PHIP: variants seen among roughly 807,000 people sequenced by gnomAD.
PHIP encodes PH-interacting protein.
A neutral mutation model predicts 236.8 loss-of-function variants in PHIP; 54 were observed. The observed-to-expected ratio is 0.23, with a 90% CI of 0.18 to 0.29. The LOEUF (loss-of-function observed/expected upper bound fraction) is 0.29. PHIP is among the 10% of genes least tolerant of loss of function. The pLI, the probability that PHIP is intolerant of heterozygous loss-of-function variation, is 1.00. For missense variants in PHIP, 1,370 were observed against 2,190.8 expected, an observed-to-expected ratio of 0.63 and a Z score of 7.48; for synonymous variants, 756 against 718.9, an observed-to-expected ratio of 1.05 and a Z score of -0.83.
At chr6:78,994,989 T>C (rs1463522582) in intron 19 of PHIP, among the ~76,000 whole-genome samples, 2 of 152,228 alleles carry the variant, frequency 1.3e-5, no homozygotes, top group Non-Finnish European at 2.9e-5. Flanking sequence ...AACAAAATCA[T>C]GTGAGCTGCT....
At chr6:79,050,153 TTAA>T (rs1772714698) in intron 6 of PHIP, among the ~76,000 whole-genome samples, 1 of 151,984 alleles carries the variant, frequency 6.6e-6, no homozygotes, top group African/African-American at 2.4e-5. Context: ...TCTGCTGCAA[TTAA>T]TAATGTGGGT....
chr6:78,961,913 T>C (rs886827130), intron 30 of PHIP, 103 bp from the exon 31 acceptor site: 2 of 815,478 alleles, frequency 2.5e-6, no homozygotes, highest in Non-Finnish European at 3.8e-6. Context: ...ATCTACATAA[T>C]CATTAGTCTG....
At chr6:78,998,190 CTG>C (rs1186290466) in intron 18 of PHIP, 62 bp downstream of exon 18, 4 of 1,312,434 alleles carry the variant, frequency 3.0e-6, no homozygotes, top group East Asian at 2.3e-5. Context: ...CCACTTAACA[CTG>C]TGGGAGATTT....
chr6:78,945,895 A>G, intron 38 of PHIP, 106 bp downstream of exon 38: 2 of 778,676 alleles, frequency 2.6e-6, no homozygotes, highest in Non-Finnish European at 2.1e-6. Flanking sequence ...CAAAAACAAC[A>G]GTGTCTGCTA....
chr6:79,005,733 A>G (rs920453928), intron 15 of PHIP, among the ~76,000 whole-genome samples: 18 of 152,202 alleles, frequency 1.2e-4, no homozygotes, highest in Middle Eastern at 3.4e-3. Context: ...AGTCCAATTT[A>G]GCAATTTCAA....
chr6:78,979,609 C>A (rs921226681), intron 23 of PHIP, among the ~76,000 whole-genome samples: 5 of 151,938 alleles, frequency 3.3e-5, no homozygotes, highest in African/African-American at 9.7e-5. Context: ...CAAGTGGCCA[C>A]AATGGTCTTG....
At chr6:78,997,330 GC>G (rs1024782664) in intron 19 of PHIP, 83 bp downstream of exon 19, 4 of 1,186,620 alleles carry the variant, frequency 3.4e-6, no homozygotes, top group Non-Finnish European at 4.9e-6. Flanking sequence ...GAATTACAGA[GC>G]TGAAAATAAC....
At chr6:79,038,495 C>T (rs1416078382) in intron 7 of PHIP, among the ~76,000 whole-genome samples, 2 of 152,176 alleles carry the variant, frequency 1.3e-5, no homozygotes, top group African/African-American at 4.8e-5. Context: ...CCATAGCAGT[C>T]ATCAATTACC....
At chr6:79,009,366 T>C (rs576441918) in intron 15 of PHIP, among the ~76,000 whole-genome samples, 48 of 152,198 alleles carry the variant, frequency 3.2e-4, no homozygotes, top group African/African-American at 1.1e-3. Flanking sequence ...ACTGACTCGA[T>C]TCCTATTTAT....
Position 79,015,616 on chromosome 6 carries a change from GA to G in PHIP, c.1389+13del. ...CTTCAGTTATATCAAATAAAGATTA[GA>G]ATTTTTTCTCACCATCAGGACATGA... On this transcript the variant is annotated intron_variant, in intron 14 of 39. Transcript: ENST00000275034. 1 of 1,565,306 alleles carries G rather than the reference GA, an allele frequency of 6.4e-7. No individual in the cohort carries two copies. Among genetic ancestry groups the G allele is most frequent in the Non-Finnish European group, 8.7e-7 (1 of 1,147,982 alleles).
intron 27 of PHIP, among the ~76,000 whole-genome samples, chr6:78,966,297 G>A (rs1463140012): frequency 2.6e-5 from 4 of 152,128 alleles, no homozygotes; most frequent in Non-Finnish European, 5.9e-5. Flanking sequence ...TTTCATTAAG[G>A]TATACAGAAA....
chr6:79,030,555 A>T (rs1285651246), intron 7 of PHIP, among the ~76,000 whole-genome samples: 2 of 152,200 alleles, frequency 1.3e-5, no homozygotes, highest in African/African-American at 4.8e-5. Flanking sequence ...TTTGTATTTA[A>T]CCTGCTGAGG....
chr6:79,015,965 G>T (rs1770815502), intron 13 of PHIP, among the ~76,000 whole-genome samples, 182 bp from the exon 14 acceptor site: 1 of 151,860 alleles, frequency 6.6e-6, no homozygotes, highest in East Asian at 1.9e-4. Context: ...AGGAAATCCA[G>T]GATTTCCAGA....
At chr6:79,044,147 C>T (rs998521546) in intron 6 of PHIP, among the ~76,000 whole-genome samples, 3 of 151,904 alleles carry the variant, frequency 2.0e-5, no homozygotes, top group African/African-American at 4.8e-5. Context: ...AGATATATAG[C>T]CTTTACAGGT....
chr6:79,074,401 C>T (rs1774048983), intron 4 of PHIP, among the ~76,000 whole-genome samples: 1 of 151,928 alleles, frequency 6.6e-6, no homozygotes. Context: ...ACTTAATAAA[C>T]TAACTAGATT....
intron 7 of PHIP, among the ~76,000 whole-genome samples, chr6:79,039,213 C>G (rs548593146): frequency 1.6e-4 from 25 of 152,292 alleles, no homozygotes; most frequent in African/African-American, 6.0e-4. Flanking sequence ...CACTATTTAG[C>G]AGGTCACAAA....
At chr6:79,022,151 T>A (rs897332055) in intron 9 of PHIP, among the ~76,000 whole-genome samples, 10 of 152,188 alleles carry the variant, frequency 6.6e-5, no homozygotes, top group African/African-American at 2.4e-4. Flanking sequence ...AGTTTCTAGG[T>A]CTATCACTTA....
chr6:79,025,301 A>T (rs1381744808), intron 9 of PHIP, among the ~76,000 whole-genome samples: 1 of 49,912 alleles, frequency 2.0e-5, no homozygotes, highest in Non-Finnish European at 5.5e-5. Context: ...GGATTAGGAT[A>T]AAGAGAAAAA....
intron 7 of PHIP, among the ~76,000 whole-genome samples, chr6:79,033,024 G>C (rs1157993368): frequency 2.6e-5 from 4 of 151,902 alleles, no homozygotes; most frequent in Non-Finnish European, 5.9e-5. Context: ...TGGGTGACCA[G>C]GCATCTTGTT....
Sources: gnomAD v4.1 joint callset for allele counts (sites outside exome capture counted in the v4.1 genomes callset) on GRCh38, gnomAD v4.1.1 for gene constraint, MANE v1.5 for transcripts, NCBI Gene and HGNC (gene_info 2026-07-23, HGNC 2026-07-21) for gene names.